Variants in FAM83F observed in about 807,000 individuals in gnomAD.
The protein encoded by FAM83F is protein FAM83F.
Under a neutral mutation model 42.9 loss-of-function variants are expected in FAM83F, and 45 were observed. That is an observed-to-expected ratio of 1.05 (90% CI 0.83 to 1.35). The LOEUF is 1.35. Among genes scored for constraint, FAM83F ranks in the 40% most tolerant of loss-of-function variants. The pLI is 0.00. For missense variants in FAM83F, 617 were observed against 695.9 expected (o/e 0.89, Z 1.28); for synonymous variants, 306 against 298.3 (o/e 1.03, Z -0.27).
chr22:40,011,514 C>T (rs1235406922), intron 1 of FAM83F, among the ~76,000 whole-genome samples: 3 of 152,156 alleles, frequency 2.0e-5, no homozygotes, highest in Non-Finnish European at 4.4e-5. Flanking sequence ...GGCCAGAGTT[C>T]ACTTTCCTCT....
chr22:39,995,323 C>T lies in FAM83F; in HGVS notation c.281C>T (p.Pro94Leu). ...AAGAGCAAGGCCAAGGCCAAGGCCC[C>T]CGCGCCGGCGCCGGCTGAGTCCGGC... is the stretch of plus-strand genomic sequence containing the variant. The part of the protein sequence containing the change: ...RGKSKAKAKA[P>L]APAPAESGES... The change falls in exon 1 of 5, where the codon CCC becomes CTC. Residue 94 changes from proline (P) to leucine (L), a missense_variant. Physicochemically the swap from Pro to Leu is moderately conservative, Grantham distance 98 (BLOSUM62 -3). Coordinates refer to ENST00000333407, the MANE Select transcript of FAM83F (RefSeq NM_138435.4). This position sits in a 1 kb window ranked among gnomAD's most constrained non-coding sequence, Gnocchi z 4.6. 6.5e-7 allele frequency: 1 copy of T among 1,538,832 alleles called. No homozygotes were observed. The highest frequency in any genetic ancestry group is 8.7e-7 in the Non-Finnish European group (1 of 1,145,748).
intron 4 of FAM83F, among the ~76,000 whole-genome samples, chr22:40,026,578 G>C (rs2067554193): frequency 1.3e-5 from 2 of 152,150 alleles, no homozygotes; most frequent in Non-Finnish European, 2.9e-5. Flanking sequence ...CCCAAATAGA[G>C]GACCAGCCCT....
chr22:40,018,240 A>C (rs1182360860), intron 1 of FAM83F, among the ~76,000 whole-genome samples: 2 of 152,232 alleles, frequency 1.3e-5, no homozygotes, highest in Non-Finnish European at 2.9e-5. Context: ...GGGGAAGCAC[A>C]GAGCTTCGCA....
chr22:40,001,470 C>A (rs1034019317), intron 1 of FAM83F, among the ~76,000 whole-genome samples: 1 of 152,206 alleles, frequency 6.6e-6, no homozygotes, highest in African/African-American at 2.4e-5. Context: ...AAATCCCCAT[C>A]TTTACAAAAA....
At position 39,995,067 on chromosome 22, in the gene FAM83F, C is replaced by G; in HGVS notation, c.25C>G (p.Leu9Val). The G allele has an allele frequency of 7.5e-7, 1 of 1,341,922 alleles. No individual in the cohort carries two copies. Among genetic ancestry groups the G allele is most frequent in the Non-Finnish European group, 9.5e-7 (1 of 1,053,892 alleles). 83.1% of individuals were successfully genotyped at this position (1,341,922 alleles called of 1,614,324 possible). MAESQLNC[L>V]DEAHVNEKVT... is the part of the protein sequence containing the mutation. ...CATGGCCGAGTCCCAGCTGAACTGC[C>G]TGGACGAGGCGCACGTGAACGAGAA... The change falls in exon 1 of 5, where the codon CTG (leucine) becomes GTG (valine). Residue 9 changes from leucine to valine, a missense_variant. Transcript: ENST00000333407. The surrounding 1 kb of genome is among the most constrained non-coding windows in gnomAD (Gnocchi z 4.6).
intron 1 of FAM83F, among the ~76,000 whole-genome samples, chr22:40,012,284 G>A (rs2067469324): frequency 6.6e-6 from 1 of 151,878 alleles, no homozygotes; most frequent in South Asian, 2.1e-4. Context: ...ACAGGCATGT[G>A]CCACCACGCC....
chr22:40,000,921 G>A (rs1031977586), intron 1 of FAM83F, among the ~76,000 whole-genome samples: 2 of 152,168 alleles, frequency 1.3e-5, no homozygotes, highest in East Asian at 3.9e-4. Context: ...ACTCCTAATC[G>A]TTCCACCCTT....
rs375372438 is a variant in FAM83F, at chr22:40,006,767, C to T, written c.489+11236C>T. Reference sequence around the variant, plus strand: ...CTTGGCTGTAGGCAGAGTCCGGAGCCGCTGAGTGGGCAGGGAAACGGGGAA... The same window carrying T: ...CTTGGCTGTAGGCAGAGTCCGGAGCTGCTGAGTGGGCAGGGAAACGGGGAA... On this transcript the variant is annotated intron_variant, in intron 1 of 4. Coordinates refer to ENST00000333407, the MANE Select transcript of FAM83F (RefSeq NM_138435.4). Among the ~76,000 whole-genome samples the T allele has an allele frequency of 2.0e-3, 311 of 152,248 alleles. 3 individuals carry two copies. The highest frequency in any genetic ancestry group is 0.014 in the Middle Eastern group (4 of 294).
At chr22:40,019,434 G>T (rs757728470) in intron 2 of FAM83F, 99 bp downstream of exon 2, 65 of 1,149,476 alleles carry the variant, frequency 5.7e-5, no homozygotes, top group Middle Eastern at 2.2e-4. Flanking sequence ...CTGAATGGGG[G>T]CTCAGGCGAA....
intron 1 of FAM83F, among the ~76,000 whole-genome samples, chr22:40,013,917 TA>T (rs2067480418): frequency 6.6e-6 from 1 of 151,892 alleles, no homozygotes; most frequent in Non-Finnish European, 1.5e-5. Context: ...TTCCTTCTTT[TA>T]TTTTCCTTTT....
At chr22:40,027,074 C>T (rs1218176526) in intron 4 of FAM83F, among the ~76,000 whole-genome samples, 6 of 152,100 alleles carry the variant, frequency 3.9e-5, no homozygotes, top group Admixed American at 3.9e-4. Flanking sequence ...ACAGAATGAA[C>T]ATGGTCCTTG....
chr22:40,006,433 A>T (rs2067429369), intron 1 of FAM83F, among the ~76,000 whole-genome samples: 1 of 152,160 alleles, frequency 6.6e-6, no homozygotes, highest in African/African-American at 2.4e-5. Flanking sequence ...ATGTGCCTAG[A>T]CAGACACAGC....
In FAM83F at chr22:40,021,421, T is replaced by G. The variant is rs1036963988; in HGVS notation, c.911T>G (p.Leu304Arg). ...ISEEVDLYRQ[L>R]SLAGRVGLHY... ...GAGGAGGTGGACTTGTACCGGCAGC[T>G]GAGCCTGGCGGGCAGGGTTGGCCTC... Residue 304 changes from leucine to arginine, a missense_variant, in exon 4 of 5, where the codon CTG becomes CGG. Coordinates refer to ENST00000333407, the MANE Select transcript of FAM83F (RefSeq NM_138435.4). This position sits in a 1 kb window ranked among gnomAD's most constrained non-coding sequence, Gnocchi z 8.7. The G allele has an allele frequency of 1.2e-6, 2 of 1,613,500 alleles. No homozygotes were observed. Among genetic ancestry groups the G allele is most frequent in the Admixed American group, 1.7e-5 (1 of 59,952 alleles).
chr22:40,004,837 G>T (rs1256136601), intron 1 of FAM83F, among the ~76,000 whole-genome samples: 1 of 152,188 alleles, frequency 6.6e-6, no homozygotes, highest in Non-Finnish European at 1.5e-5. Flanking sequence ...CAGTAAATAG[G>T]ATGCTAGATG....
In FAM83F at chr22:39,994,975, A is replaced by T. The variant is rs1404339866; in HGVS notation, c.-68A>T. On this transcript the variant is annotated 5_prime_UTR_variant, in exon 1 of 5. Coordinates refer to ENST00000333407, the MANE Select transcript of FAM83F (RefSeq NM_138435.4). ...AGGCGCCCCGCCCCTCGGCGGCTCC[A>T]GGTGCGGCTGTGGGACCTCGGACCG... The T allele has an allele frequency of 1.7e-6, 2 of 1,206,216 alleles. No individual in the cohort carries two copies. Among genetic ancestry groups the T allele is most frequent in the Non-Finnish European group, 2.1e-6 (2 of 971,072 alleles). 74.7% of individuals were successfully genotyped at this position (1,206,216 alleles called of 1,614,324 possible). A position where few individuals can be genotyped will look rare whatever the true frequency, so the allele number is the denominator to read the frequency against.
chr22:40,039,957 T>C lies in FAM83F; in HGVS notation c.*10392T>C, dbSNP rs1042683231. 1.3e-5 allele frequency: 2 copies of C among 152,132 alleles called. No homozygotes were observed. Among genetic ancestry groups the C allele is most frequent in the Non-Finnish European group, 2.9e-5 (2 of 68,026 alleles). The allele number at this position is 152,132 out of a possible 1,614,324, so 9.4% of individuals were successfully genotyped here. On this transcript the variant is annotated 3_prime_UTR_variant, in exon 5 of 5. Transcript: ENST00000333407. ...GAAAACGAGAGAGCATTCCTGGTGGTGGAGATGGCCGCAGGCCATTATTTA... is the reference window on the plus strand; with the variant it reads ...GAAAACGAGAGAGCATTCCTGGTGGCGGAGATGGCCGCAGGCCATTATTTA...
chr22:40,023,908 T>C lies in FAM83F; in HGVS notation c.1453+1945T>C, dbSNP rs1271057668. ...GAGCAGCCTCCTCCGGTAAGGCTTC[T>C]GCCCACCTGGGTGGGCGCCCAGTAC... is the stretch of plus-strand genomic sequence containing the variant. On this transcript the variant is annotated intron_variant, in intron 4 of 4. Coordinates refer to ENST00000333407, the MANE Select transcript of FAM83F (RefSeq NM_138435.4). The surrounding 1 kb of genome is among the most constrained non-coding windows in gnomAD (Gnocchi z 4.1). Among the ~76,000 whole-genome samples, 1 of 152,218 alleles carries C rather than the reference T, an allele frequency of 6.6e-6. No individual in the cohort carries two copies. The highest frequency in any genetic ancestry group is 6.5e-5 in the Admixed American group (1 of 15,284).
At position 40,035,018 on chromosome 22, in the gene FAM83F, G is replaced by A. The variant is rs2067613575; in HGVS notation, c.*5453G>A. 6.6e-6 allele frequency: 1 copy of A among 152,200 alleles called. No homozygotes were observed. Among genetic ancestry groups the A allele is most frequent in the Non-Finnish European group, 1.5e-5 (1 of 68,060 alleles). The allele number at this position is 152,200 out of a possible 1,614,324, so 9.4% of individuals were successfully genotyped here. ...CCTGTCTGCATGCTTCCTTTCAAAA[G>A]CTAGCATAGAAAGGAGGGCCCAAGG... On this transcript the variant is annotated 3_prime_UTR_variant, in exon 5 of 5. Transcript: ENST00000333407.
intron 1 of FAM83F, among the ~76,000 whole-genome samples, chr22:40,000,338 G>A (rs2067393118): frequency 6.6e-6 from 1 of 152,170 alleles, no homozygotes; most frequent in Non-Finnish European, 1.5e-5. Context: ...CTTGGTTTGA[G>A]GTCTGGGCAG....
Sources: gnomAD v4.1 joint callset for allele counts (sites outside exome capture counted in the v4.1 genomes callset) on GRCh38, gnomAD v4.1.1 for gene constraint, Gnocchi (gnomAD v3.1) non-coding constraint, MANE v1.5 for transcripts, NCBI Gene and HGNC (gene_info 2026-07-23, HGNC 2026-07-21) for gene names.